The following ANKRD11 variants were observed in gnomAD, a reference collection of about 807,000 sequenced individuals.
ANKRD11 encodes ankyrin repeat domain-containing protein 11.
A neutral mutation model predicts 195.7 loss-of-function variants in ANKRD11; 17 were observed. The ratio of observed to expected loss-of-function variants is 0.09; its 90% CI spans 0.06 to 0.13. ANKRD11 has a LOEUF of 0.13. ANKRD11 is among the 10% of genes least tolerant of loss of function. ANKRD11 has a pLI of 1.00. For missense variants in ANKRD11, 3,735 were observed against 3,566.1 expected, an observed-to-expected ratio of 1.05 and a Z score of -1.21; for synonymous variants, 1,953 against 1,528.1, an observed-to-expected ratio of 1.28 and a Z score of -6.49.
Position 89,283,386 on chromosome 16 carries a change from A to G in ANKRD11, c.3156T>C (p.Phe1052=). The change falls in exon 9 of 13, where the codon TTT becomes TTC. Residue 1052 remains phenylalanine, a synonymous_variant. Transcript: ENST00000301030. This position sits in a 1 kb window ranked among gnomAD's most constrained non-coding sequence, Gnocchi z 4.3. ...CTTTTTTCTCTTTAAAACATTTATC[A>G]AATTCTTTGTCCTTCTGACATTTTT... ...ILEKCQKDKE[F]DKCFKEKKDT... The G allele has an allele frequency of 1.2e-6, 2 of 1,613,796 alleles. No homozygotes were observed. The highest frequency in any genetic ancestry group is 1.7e-6 in the Non-Finnish European group (2 of 1,180,006).
chr16:89,446,396 G>A (rs897576448), intron 1 of ANKRD11, among the ~76,000 whole-genome samples: 1 of 152,146 alleles, frequency 6.6e-6, no homozygotes, highest in Non-Finnish European at 1.5e-5. Context: ...TTGAGCCCTG[G>A]AGTTCGAGAC....
In ANKRD11 at chr16:89,280,980, G is replaced by C. The variant is rs757596185; in HGVS notation, c.5562C>G (p.Asp1854Glu). The change falls in exon 9 of 13, where the codon GAC becomes GAG. Residue 1854 changes from aspartate (D) to glutamate (E), a missense_variant. By Grantham distance (45) the Asp-to-Glu change is conservative. Transcript: ENST00000301030. ...ACLSPGYYSP[D>E]YGLPSPKVDA... is the part of the protein sequence containing the mutation. ...CGACTTTGGGCGACGGGAGGCCATA[G>C]TCTGGGGAGTAGTACCCTGGCGACA... The C allele has an allele frequency of 6.4e-7, 1 of 1,573,838 alleles. No homozygotes were observed.
chr16:89,459,244 A>G (rs190868810), intron 1 of ANKRD11: 18 of 168,984 alleles, frequency 1.1e-4, no homozygotes, highest in Admixed American at 1.1e-3. Flanking sequence ...ACATGAAAGG[A>G]TGTCTTGAGA....
chr16:89,299,204 T>A (rs548842912), intron 4 of ANKRD11: 1 of 160,014 alleles, frequency 6.2e-6, no homozygotes, highest in South Asian at 1.5e-4. Context: ...CAGAGGTTTC[T>A]AGGGAAGGAG....
intron 2 of ANKRD11, among the ~76,000 whole-genome samples, chr16:89,416,810 T>A (rs1022115622): frequency 3.3e-5 from 5 of 151,890 alleles, no homozygotes; most frequent in Non-Finnish European, 7.4e-5. Context: ...AGCATTTTGC[T>A]TTTCCTTGTC....
At chr16:89,388,157 C>T (rs2041007802) in intron 2 of ANKRD11, among the ~76,000 whole-genome samples, 2 of 152,160 alleles carry the variant, frequency 1.3e-5, no homozygotes, top group African/African-American at 4.8e-5. Flanking sequence ...AACATAACCA[C>T]AGTGAAATTA....
rs1377361921 is a variant in ANKRD11, at chr16:89,281,450, T to C, written c.5092A>G (p.Ser1698Gly). The change falls in exon 9 of 13, where the codon AGC becomes GGC. Residue 1698 changes from serine (S) to glycine (G), a missense_variant. Physicochemically the swap from Ser to Gly is moderately conservative, Grantham distance 56. Transcript: ENST00000301030. This position sits in a 1 kb window ranked among gnomAD's most constrained non-coding sequence, Gnocchi z 5.5. ...GGGGTGGGCACGCCAGTGGGCCGGC[T>C]CTGGTCAGGCCTGGGGGACGCAGGC... ...VLPASPRPDQ[S>G]RPTGVPTPTS... 6.2e-7 allele frequency: 1 copy of C among 1,613,604 alleles called. No individual in the cohort carries two copies. The highest frequency in any genetic ancestry group is 8.5e-7 in the Non-Finnish European group (1 of 1,179,762).
chr16:89,460,425 GC>G (rs1440854385), intron 1 of ANKRD11, among the ~76,000 whole-genome samples: 2 of 151,898 alleles, frequency 1.3e-5, no homozygotes, highest in Non-Finnish European at 2.9e-5. Context: ...CGGGCGTGGT[GC>G]CAGGTGCCTG....
intron 4 of ANKRD11, chr16:89,300,933 T>A (rs1163611663): frequency 1.4e-6 from 1 of 698,770 alleles, no homozygotes; most frequent in South Asian, 1.5e-5. Context: ...CCCTCGTGGC[T>A]GCCCCAGGAC....
chr16:89,339,829 A>C (rs1350284799), intron 2 of ANKRD11: 4 of 152,094 alleles, frequency 2.6e-5, no homozygotes, highest in Non-Finnish European at 5.9e-5. Context: ...CGTCGATCTG[A>C]TTTTGGGGCT....
In ANKRD11 at chr16:89,291,587, C is replaced by G. The variant is rs2035068667; in HGVS notation, c.227-404G>C. Reference sequence around the variant, plus strand: ...ACACGTGTCTGTAATTCAATTCCACCTTCCCCGTCCCTCCTCCAAACAGTG... The same window carrying G: ...ACACGTGTCTGTAATTCAATTCCACGTTCCCCGTCCCTCCTCCAAACAGTG... On this transcript the variant is annotated intron_variant, in intron 4 of 12. Transcript: ENST00000301030. The surrounding 1 kb of genome is among the most constrained non-coding windows in gnomAD (Gnocchi z 5.3). The G allele has an allele frequency of 2.0e-6, 2 of 1,020,272 alleles. No individual in the cohort carries two copies. The highest frequency in any genetic ancestry group is 3.3e-5 in the African/African-American group (2 of 60,902). The allele number at this position is 1,020,272 out of a possible 1,614,324, so 63.2% of individuals were successfully genotyped here.
At chr16:89,351,550 T>G (rs1248660935) in intron 2 of ANKRD11, among the ~76,000 whole-genome samples, 1 of 152,174 alleles carries the variant, frequency 6.6e-6, no homozygotes, top group Non-Finnish European at 1.5e-5. Flanking sequence ...ATACAGACTC[T>G]CGGGCAGGTC....
chr16:89,268,557 G>A lies in ANKRD11; in HGVS notation c.7913C>T (p.Ser2638Phe), dbSNP rs1203305801. 1 of 1,511,090 alleles carries A rather than the reference G, an allele frequency of 6.6e-7. No homozygotes were observed. Among genetic ancestry groups the A allele is most frequent in the Non-Finnish European group, 9.0e-7 (1 of 1,111,958 alleles). The allele number at this position is 1,511,090 out of a possible 1,614,324, so 93.6% of individuals were successfully genotyped here. The part of the protein sequence containing the change: ...VQELDPAGHK[S>F]LCVNEVPSFY... ...GGAGGGCACCTCGTTCACGCACAGG[G>A]ACTTGTGCCCGGCGGGGTCCAGTTC... Residue 2638 changes from serine (S) to phenylalanine (F), a missense_variant, in exon 13 of 13, where the codon TCC becomes TTC. Ser to Phe is a radical substitution (Grantham distance 155). Transcript: ENST00000301030.
chr16:89,295,203 C>G (rs527315418), intron 4 of ANKRD11, among the ~76,000 whole-genome samples: 7 of 152,204 alleles, frequency 4.6e-5, no homozygotes, highest in Non-Finnish European at 8.8e-5. Context: ...GCCCTGCAGT[C>G]GGAACACGGC....
chr16:89,431,871 C>T (rs2042992679), intron 1 of ANKRD11, among the ~76,000 whole-genome samples: 3 of 152,174 alleles, frequency 2.0e-5, no homozygotes, highest in African/African-American at 7.2e-5. Context: ...CCACTCCTTC[C>T]TGTATCCCCT....
intron 1 of ANKRD11, among the ~76,000 whole-genome samples, chr16:89,431,056 C>T (rs1378469703): frequency 6.6e-6 from 1 of 152,052 alleles, no homozygotes; most frequent in East Asian, 1.9e-4. Context: ...CTTCCAGAAG[C>T]CTAGGGTTAA....
chr16:89,407,830 A>C (rs1158360273), intron 2 of ANKRD11, among the ~76,000 whole-genome samples: 1 of 138,784 alleles, frequency 7.2e-6, no homozygotes, highest in Non-Finnish European at 1.5e-5. Flanking sequence ...CACCTGAGTG[A>C]GAGTCAGATC....
At chr16:89,428,538 G>A (rs1036079361) in intron 1 of ANKRD11, among the ~76,000 whole-genome samples, 7 of 151,440 alleles carry the variant, frequency 4.6e-5, no homozygotes, top group Non-Finnish European at 5.9e-5. Context: ...ATGAAAGAAT[G>A]AATGATGAAT....
intron 2 of ANKRD11, among the ~76,000 whole-genome samples, chr16:89,350,154 T>C (rs1256181760): frequency 6.6e-6 from 1 of 152,168 alleles, no homozygotes; most frequent in Admixed American, 6.5e-5. Flanking sequence ...TTCACTAGAA[T>C]GGCTAAAATG....
Sources: allele counts gnomAD v4.1 joint callset (sites outside exome capture counted in the v4.1 genomes callset), GRCh38; gene constraint gnomAD v4.1.1; non-coding constraint Gnocchi (gnomAD v3.1); transcripts MANE v1.5; gene names NCBI Gene and HGNC (gene_info 2026-07-23, HGNC 2026-07-21).